The following MSH5 variants were observed in gnomAD, a reference collection of about 807,000 sequenced individuals.
The protein encoded by MSH5 is mutS homolog 5, also known as mutS protein homolog 5.
A neutral mutation model predicts 107.7 loss-of-function variants in MSH5; 78 were observed. The ratio of observed to expected loss-of-function variants is 0.72; its 90% CI spans 0.60 to 0.87. The LOEUF (loss-of-function observed/expected upper bound fraction) is 0.87. Among genes scored for constraint, MSH5 ranks in the 40% least tolerant of loss-of-function variants. The pLI, the probability that MSH5 is intolerant of heterozygous loss-of-function variation, is 0.00. For synonymous variants in MSH5, 326 were observed against 399.5 expected, an observed-to-expected ratio of 0.82 and a Z score of 2.19; for missense variants, 889 against 1,046.6, an observed-to-expected ratio of 0.85 and a Z score of 2.08.
chr6:31,762,374 G>T, intron 24 of MSH5, 46 bp from the exon 25 acceptor site: 1 of 1,447,546 alleles, frequency 6.9e-7, no homozygotes, highest in Middle Eastern at 1.7e-4. Context: ...CCAGGGATTT[G>T]GTTGTCCATT....
chr6:31,745,629 GAGAAGAGT>G (rs1562223445), intron 9 of MSH5, among the ~76,000 whole-genome samples: 1 of 152,116 alleles, frequency 6.6e-6, no homozygotes, highest in Non-Finnish European at 1.5e-5. Context: ...CTTGTGTATA[GAGAAGAGT>G]TTTGTAACTG....
rs370037482 is a variant in MSH5 at position 31,759,900 on chromosome 6, G to C, written c.1610G>C (p.Ser537Thr). The change falls in exon 18 of 25, where the codon AGT (serine) becomes ACT (threonine). Residue 537 changes from serine (S) to threonine (T), a missense_variant. Physicochemically the swap from Ser to Thr is moderately conservative, Grantham distance 58. Coordinates refer to ENST00000375750, the MANE Select transcript of MSH5 (RefSeq NM_172166.4). This position sits in a 1 kb window ranked among gnomAD's most constrained non-coding sequence, Gnocchi z 4.7. ...SRLDVLLALASAARDYGYSRP... is the reference protein window; with the variant it reads ...SRLDVLLALATAARDYGYSRP... ...CTGGACGTCCTGCTGGCTCTTGCCA[G>C]TGCTGCCCGGGACTATGGCTACTCA... is the stretch of plus-strand genomic sequence containing the variant. The C allele has an allele frequency of 1.8e-4, 287 of 1,614,076 alleles. No individual in the cohort carries two copies. Among genetic ancestry groups the C allele is most frequent in the Non-Finnish European group, 2.3e-4 (275 of 1,180,036 alleles).
chr6:31,753,411 G>A lies in MSH5; in HGVS notation c.923G>A (p.Arg308Gln), dbSNP rs1269438723. 1.9e-6 allele frequency: 3 copies of A among 1,614,064 alleles called. No homozygotes were observed. Among genetic ancestry groups the A allele is most frequent in the Non-Finnish European group, 2.5e-6 (3 of 1,180,008 alleles). ...CTGGACATGGCTCAGATGCTGCATC[G>A]GCTCCTGGGTCACATCAAGAACGTG... ...QNLDMAQMLH[R>Q]LLGHIKNVPL... The change falls in exon 11 of 25, where the codon CGG (arginine) becomes CAG (glutamine). Residue 308 changes from arginine to glutamine, a missense_variant. Arg to Gln is a conservative substitution (Grantham distance 43). Coordinates refer to ENST00000375750, the MANE Select transcript of MSH5 (RefSeq NM_172166.4).
intron 12 of MSH5, 102 bp downstream of exon 12, chr6:31,753,731 CTCT>C (rs1234439514): frequency 2.6e-6 from 3 of 1,143,236 alleles, no homozygotes; most frequent in Admixed American, 4.2e-5. Context: ...TTATTCTACC[CTCT>C]TTTTTTTTTT....
chr6:31,740,266 C>T lies in MSH5; in HGVS notation c.-13-188C>T. 3.6e-6 allele frequency: 2 copies of T among 558,490 alleles called. No individual in the cohort carries two copies. Among genetic ancestry groups the T allele is most frequent in the South Asian group, 5.4e-5 (2 of 36,970 alleles). The allele number at this position is 558,490 out of a possible 1,614,324, so 34.6% of individuals were successfully genotyped here. A position where few individuals can be genotyped will look rare whatever the true frequency, so the allele number is the denominator to read the frequency against. On this transcript the variant is annotated intron_variant, in intron 1 of 24. Coordinates refer to ENST00000375750, the MANE Select transcript of MSH5 (RefSeq NM_172166.4). This position sits in a 1 kb window ranked among gnomAD's most constrained non-coding sequence, Gnocchi z 4.4. ...ATGAGGGTGGGGCGCGTGGAGTTTC[C>T]CACAATCTGTACTTTAGTTAAATAC...
Position 31,744,007 on chromosome 6 carries a change from C to T in MSH5, c.519C>T (p.Pro173=), listed in dbSNP as rs763114021. The T allele has an allele frequency of 2.5e-5, 40 of 1,614,036 alleles. No individual in the cohort carries two copies. Among genetic ancestry groups the T allele is most frequent in the Non-Finnish European group, 5.9e-6 (7 of 1,180,042 alleles). The change falls in exon 6 of 25, where the codon CCC becomes CCT. Residue 173 remains proline, a synonymous_variant. Transcript: ENST00000375750. ...EKILFLSSII[P]FDCLLTVRAL... is the part of the protein sequence containing the mutation. ...TCCTCTTCCTCTCTTCCATTATTCC[C>T]TTTGACTGCCTCCTCACAGTGAGAT...
At position 31,762,474 on chromosome 6, in the gene MSH5, G is replaced by A; in HGVS notation, c.2448G>A (p.Leu816=). 3 of 1,613,990 alleles carry A rather than the reference G, an allele frequency of 1.9e-6. No individual in the cohort carries two copies. Among genetic ancestry groups the A allele is most frequent in the Middle Eastern group, 1.6e-4 (1 of 6,062 alleles). Residue 816 remains leucine, a synonymous_variant, in exon 25 of 25, where the codon CTG becomes CTA. Coordinates refer to ENST00000375750, the MANE Select transcript of MSH5 (RefSeq NM_172166.4). ...FMKLDLEDPN[L]DLNVFMSQEV... ...AACTGGATTTGGAAGATCCTAACCT[G>A]GACTTGAACGTTTTCATGAGCCAGG...
At chr6:31,755,585 C>T (rs1180319029) in intron 12 of MSH5, among the ~76,000 whole-genome samples, 1 of 152,102 alleles carries the variant, frequency 6.6e-6, no homozygotes, top group African/African-American at 2.4e-5. Context: ...TGGTCTCGAA[C>T]TCCCGACCTC....
intron 10 of MSH5, among the ~76,000 whole-genome samples, chr6:31,749,477 G>A (rs944107170): frequency 6.6e-6 from 1 of 151,950 alleles, no homozygotes; most frequent in Admixed American, 6.6e-5. Flanking sequence ...GGGAGGTAGA[G>A]GTTGAAGTGA....
In MSH5 at chr6:31,760,254, C is replaced by T; in HGVS notation, c.1812+38C>T. The T allele has an allele frequency of 6.5e-7, 1 of 1,536,782 alleles. No individual in the cohort carries two copies. The highest frequency in any genetic ancestry group is 8.7e-7 in the Non-Finnish European group (1 of 1,144,888). ...CCTGCAGCCTGGGCCTCTGGCGTCT[C>T]CTGCATCTACTCCACCCCTACTTGC... On this transcript the variant is annotated intron_variant, in intron 19 of 24. Coordinates refer to ENST00000375750, the MANE Select transcript of MSH5 (RefSeq NM_172166.4). The surrounding 1 kb of genome is among the most constrained non-coding windows in gnomAD (Gnocchi z 5.6).
At chr6:31,753,767 C>T (rs1401702630) in intron 12 of MSH5, 138 bp downstream of exon 12, 21 of 813,006 alleles carry the variant, frequency 2.6e-5, no homozygotes, top group Middle Eastern at 3.5e-4. Context: ...CTCGCTCTGT[C>T]GCCCAGGCTG....
At chr6:31,755,628 C>T (rs1239731014) in intron 12 of MSH5, among the ~76,000 whole-genome samples, 1 of 152,174 alleles carries the variant, frequency 6.6e-6, no homozygotes. Flanking sequence ...TCCCAAAGTG[C>T]TGGGATTACA....
rs1809067539 is a variant in MSH5, at chr6:31,743,126, A to C, written c.371A>C (p.Glu124Ala). The change falls in exon 5 of 25, where the codon GAG becomes GCG. Residue 124 changes from glutamate (E) to alanine (A), a missense_variant. Around this residue, in one of 3 missense-constraint regions of MSH5, gnomAD observed 518 missense variants for 565.0 expected, o/e 0.92. Transcript: ENST00000375750. ...CCCACAGCCTCCCAGGAGCACAGAG[A>C]GCCTAAAAGACCTGAAATCATATTT... ...LGKLASQEHREPKRPEIIFLP... is the reference protein window; with the variant it reads ...LGKLASQEHRAPKRPEIIFLP... 1.2e-6 allele frequency: 2 copies of C among 1,612,974 alleles called. No homozygotes were observed. The highest frequency in any genetic ancestry group is 1.7e-6 in the Non-Finnish European group (2 of 1,179,990).
chr6:31,757,328 T>G (rs1810533634), intron 12 of MSH5: 1 of 152,208 alleles, frequency 6.6e-6, no homozygotes, highest in African/African-American at 2.4e-5. Flanking sequence ...GTACTTTTAG[T>G]AGAGACAGGG....
Position 31,760,570 on chromosome 6 carries a change from T to TA in MSH5, c.1813-119dup. On this transcript the variant is annotated intron_variant, in intron 19 of 24. Coordinates refer to ENST00000375750, the MANE Select transcript of MSH5 (RefSeq NM_172166.4). The surrounding 1 kb of genome is among the most constrained non-coding windows in gnomAD (Gnocchi z 5.6). ...GGAGAGACAGAGTCAGTGTGTCTGTTACCTATTTCTCCTGTTTCACCCTGT... is the reference window on the plus strand; with the variant it reads ...GGAGAGACAGAGTCAGTGTGTCTGTTAACCTATTTCTCCTGTTTCACCCTGT... 7.7e-7 allele frequency: 1 copy of TA among 1,299,630 alleles called. No homozygotes were observed. The highest frequency in any genetic ancestry group is 1.2e-5 in the South Asian group (1 of 83,198). 80.5% of individuals were successfully genotyped at this position (1,299,630 alleles called of 1,614,324 possible). A position where few individuals can be genotyped will look rare whatever the true frequency, so the allele number is the denominator to read the frequency against.
Position 31,758,521 on chromosome 6 carries a change from C to T in MSH5, c.1144-27C>T. ...AGGAACAGGACAGAGGGTGCCAGGT[C>T]CTAAGAAACAGTACTTATCTCCTCA... is the stretch of plus-strand genomic sequence containing the variant. On this transcript the variant is annotated intron_variant, in intron 13 of 24. Coordinates refer to ENST00000375750, the MANE Select transcript of MSH5 (RefSeq NM_172166.4). This position sits in a 1 kb window ranked among gnomAD's most constrained non-coding sequence, Gnocchi z 5.1. 4 of 1,612,524 alleles carry T rather than the reference C, an allele frequency of 2.5e-6. No homozygotes were observed. The highest frequency in any genetic ancestry group is 3.4e-6 in the Non-Finnish European group (4 of 1,179,610).
At chr6:31,745,790 CAG>C (rs1230773905) in intron 9 of MSH5, among the ~76,000 whole-genome samples, 2 of 106,098 alleles carry the variant, frequency 1.9e-5, no homozygotes, top group Non-Finnish European at 3.5e-5. Context: ...TTTTTTGATA[CAG>C]AGTCTCGCTC....
rs991011183 is a variant in MSH5 at position 31,761,410 on chromosome 6, A to C, written c.2038-62A>C. 1.2e-6 allele frequency: 2 copies of C among 1,607,320 alleles called. No individual in the cohort carries two copies. Among genetic ancestry groups the C allele is most frequent in the African/African-American group, 1.3e-5 (1 of 74,768 alleles). On this transcript the variant is annotated intron_variant, in intron 21 of 24. Coordinates refer to ENST00000375750, the MANE Select transcript of MSH5 (RefSeq NM_172166.4). This position sits in a 1 kb window ranked among gnomAD's most constrained non-coding sequence, Gnocchi z 5.3. The stretch of plus-strand genomic sequence containing the variant: ...AACACGAGACAGGGAAAGGCAGTGC[A>C]AGTGCAGAGGGGCATATGGGGTCCC...
chr6:31,760,552 C>A lies in MSH5; in HGVS notation c.1813-138C>A. On this transcript the variant is annotated intron_variant, in intron 19 of 24. Transcript: ENST00000375750. The surrounding 1 kb of genome is among the most constrained non-coding windows in gnomAD (Gnocchi z 5.6). ...ATGGTCAGGATTCGGGGAGGAGAGA[C>A]AGAGTCAGTGTGTCTGTTACCTATT... The A allele has an allele frequency of 1.7e-6, 2 of 1,181,040 alleles. No individual in the cohort carries two copies. The highest frequency in any genetic ancestry group is 2.5e-6 in the Non-Finnish European group (2 of 808,164). The allele number at this position is 1,181,040 out of a possible 1,614,324, so 73.2% of individuals were successfully genotyped here.
Sources: allele counts gnomAD v4.1 joint callset (sites outside exome capture counted in the v4.1 genomes callset), GRCh38; gene constraint gnomAD v4.1.1; regional missense constraint gnomAD v4.1.1; non-coding constraint Gnocchi (gnomAD v3.1); transcripts MANE v1.5; gene names NCBI Gene and HGNC (gene_info 2026-07-23, HGNC 2026-07-21).